The following PCDH15 variants were observed in gnomAD, a reference collection of about 807,000 sequenced individuals.
The protein encoded by PCDH15 is protocadherin related 15.
In PCDH15, 129 loss-of-function variants were observed where a neutral mutation model predicts 178.5. That is an observed-to-expected ratio of 0.72 (90% confidence interval 0.63 to 0.84). PCDH15 has a LOEUF of 0.84. Ranked by LOEUF, PCDH15 falls within the 40% of genes least tolerant of loss-of-function variation. The pLI is 0.00. For synonymous variants in PCDH15, 800 were observed against 732.0 expected (o/e 1.09, Z -1.50); for missense variants, 2,230 against 2,099.9 (o/e 1.06, Z -1.21).
At chr10:55,447,065 G>A (rs1326033685) in intron 2 of PCDH15, among the ~76,000 whole-genome samples, 3 of 151,844 alleles carry the variant, frequency 2.0e-5, no homozygotes, top group African/African-American at 7.3e-5. Flanking sequence ...CAAGTTCAAA[G>A]GCATAAAGAA....
At chr10:54,409,608 A>C (rs184651795) in intron 3 of PCDH15, among the ~76,000 whole-genome samples, 2 of 152,266 alleles carry the variant, frequency 1.3e-5, no homozygotes, top group African/African-American at 4.8e-5. Flanking sequence ...AACTATTTAC[A>C]GTATATTCAG....
intron 2 of PCDH15, among the ~76,000 whole-genome samples, chr10:54,553,339 T>TG (rs2086821620): frequency 6.6e-6 from 1 of 151,966 alleles, no homozygotes; most frequent in African/African-American, 2.4e-5. Flanking sequence ...ACTGTGATGG[T>TG]GGGGTCTAGG....
chr10:54,720,684 G>T (rs11004493), intron 1 of PCDH15, among the ~76,000 whole-genome samples: 2 of 151,778 alleles, frequency 1.3e-5, no homozygotes, highest in Non-Finnish European at 1.5e-5. Flanking sequence ...ATGCAACAAG[G>T]TTTAACTATC....
chr10:54,601,103 GT>G, intron 2 of PCDH15, among the ~76,000 whole-genome samples: 1 of 152,144 alleles, frequency 6.6e-6, no homozygotes, highest in East Asian at 1.9e-4. Flanking sequence ...GACACGGACA[GT>G]TTGCAATCTT....
chr10:53,853,077 T>A (rs1286393966), intron 28 of PCDH15, among the ~76,000 whole-genome samples: 1 of 152,030 alleles, frequency 6.6e-6, no homozygotes, highest in Admixed American at 6.6e-5. Flanking sequence ...AATGTAGGTT[T>A]CAAAAAGAGA....
intron 2 of PCDH15, among the ~76,000 whole-genome samples, chr10:55,500,179 A>G (rs1460247597): frequency 6.6e-6 from 1 of 151,744 alleles, no homozygotes; most frequent in Non-Finnish European, 1.5e-5. Context: ...TAAATGACTA[A>G]GGAAACAGGT....
chr10:54,196,232 T>G (rs1237768228), intron 10 of PCDH15, among the ~76,000 whole-genome samples: 2 of 152,094 alleles, frequency 1.3e-5, no homozygotes, highest in African/African-American at 4.8e-5. Flanking sequence ...CAGCTCTTCC[T>G]CCTGAGTTCA....
intron 2 of PCDH15, among the ~76,000 whole-genome samples, chr10:55,132,826 A>G (rs747749932): frequency 6.6e-6 from 1 of 152,182 alleles, no homozygotes; most frequent in Admixed American, 6.6e-5. Flanking sequence ...TAAGACTGTG[A>G]GCATTTACCT....
chr10:53,982,174 G>A (rs1406606416), intron 21 of PCDH15, among the ~76,000 whole-genome samples: 2 of 152,090 alleles, frequency 1.3e-5, no homozygotes, highest in Non-Finnish European at 2.9e-5. Context: ...GAAACAACAG[G>A]TGCTGGAAAG....
At chr10:55,083,358 CATT>C in intron 2 of PCDH15, among the ~76,000 whole-genome samples, 1 of 151,726 alleles carries the variant, frequency 6.6e-6, no homozygotes, top group East Asian at 1.9e-4. Flanking sequence ...TAAAATTTGA[CATT>C]ATTTTATAAT....
At chr10:55,400,933 G>A (rs1042792667) in intron 2 of PCDH15, among the ~76,000 whole-genome samples, 3 of 152,082 alleles carry the variant, frequency 2.0e-5, no homozygotes, top group Non-Finnish European at 2.9e-5. Context: ...GTAGTGGGTG[G>A]CGTGGGAGAT....
At chr10:54,581,623 G>A (rs1381772250) in intron 2 of PCDH15, among the ~76,000 whole-genome samples, 1 of 151,818 alleles carries the variant, frequency 6.6e-6, no homozygotes, top group African/African-American at 2.4e-5. Context: ...GCTAAAGGAA[G>A]GTAAACAAAA....
intron 1 of PCDH15, among the ~76,000 whole-genome samples, chr10:54,765,136 T>A (rs990290366): frequency 1.3e-5 from 2 of 152,152 alleles, no homozygotes; most frequent in African/African-American, 4.8e-5. Context: ...TAAGAATCTA[T>A]ACTAATTTCA....
chr10:54,878,618 C>T (rs1159517116), intron 3 of PCDH15, among the ~76,000 whole-genome samples: 1 of 152,058 alleles, frequency 6.6e-6, no homozygotes, highest in Non-Finnish European at 1.5e-5. Flanking sequence ...ATGGCACTTA[C>T]ATCATAGCCA....
At chr10:54,996,391 A>G (rs1276192438) in intron 2 of PCDH15, among the ~76,000 whole-genome samples, 2 of 152,128 alleles carry the variant, frequency 1.3e-5, no homozygotes, top group Admixed American at 6.5e-5. Flanking sequence ...AACAAGCCCA[A>G]CCAATTCAGA....
intron 2 of PCDH15, among the ~76,000 whole-genome samples, chr10:55,619,156 G>T (rs1843537898): frequency 6.6e-6 from 1 of 151,814 alleles, no homozygotes; most frequent in East Asian, 1.9e-4. Context: ...ATTTCTTTTG[G>T]CTTATATACT....
intron 8 of PCDH15, among the ~76,000 whole-genome samples, chr10:54,269,723 C>G (rs1412151909): frequency 1.1e-4 from 17 of 151,958 alleles, no homozygotes; most frequent in African/African-American, 4.1e-4. Flanking sequence ...TTCACAGAAG[C>G]ATTCTACTGC....
At chr10:55,382,949 G>A (rs932245164) in intron 2 of PCDH15, among the ~76,000 whole-genome samples, 2 of 152,200 alleles carry the variant, frequency 1.3e-5, no homozygotes, top group African/African-American at 2.4e-5. Flanking sequence ...TGCTCTTTTA[G>A]CAGTTGCCAT....
At chr10:53,836,113 T>TG (rs2077291589) in intron 29 of PCDH15, among the ~76,000 whole-genome samples, 2 of 152,064 alleles carry the variant, frequency 1.3e-5, no homozygotes, top group Admixed American at 6.6e-5. Context: ...CCCCTACCCC[T>TG]GGGGGAGGAG....
Sources: allele counts gnomAD v4.1 joint callset (sites outside exome capture counted in the v4.1 genomes callset), GRCh38; gene constraint gnomAD v4.1.1; transcripts MANE v1.5; gene names NCBI Gene and HGNC (gene_info 2026-07-23, HGNC 2026-07-21).